KSR1: variants seen among roughly 807,000 people sequenced by gnomAD.
The protein encoded by KSR1 is kinase suppressor of ras.
In KSR1, 35 loss-of-function variants were observed where a neutral mutation model predicts 92.9. The observed-to-expected ratio is 0.38, with a 90% confidence interval of 0.29 to 0.50. The LOEUF is 0.50. Among genes scored for constraint, KSR1 ranks in the 20% least tolerant of loss-of-function variants. The pLI, the probability that KSR1 is intolerant of heterozygous loss-of-function variation, is 0.94. For missense variants in KSR1, 972 were observed against 1,158.5 expected (o/e 0.84, Z 2.34); for synonymous variants, 467 against 472.6 (o/e 0.99, Z 0.15).
chr17:27,463,685 G>A (rs934706547), intron 1 of KSR1, among the ~76,000 whole-genome samples: 5 of 152,138 alleles, frequency 3.3e-5, no homozygotes, highest in Admixed American at 2.6e-4. Flanking sequence ...CCAAGATAGC[G>A]GAGGGAGGGG....
intron 1 of KSR1, among the ~76,000 whole-genome samples, chr17:27,517,164 T>C (rs958365001): frequency 6.6e-6 from 1 of 152,210 alleles, no homozygotes; most frequent in Non-Finnish European, 1.5e-5. Flanking sequence ...CTAGCACCTT[T>C]TAAAGGTCTG....
At chr17:27,587,466 G>C (rs1344585657) in intron 5 of KSR1, 1 of 152,216 alleles carries the variant, frequency 6.6e-6, no homozygotes, top group Non-Finnish European at 1.5e-5. Flanking sequence ...GGGACCTTCT[G>C]ACTCAGAGGA....
At chr17:27,560,314 G>T in intron 2 of KSR1, 1 of 388,560 alleles carries the variant, frequency 2.6e-6, no homozygotes, top group Non-Finnish European at 5.1e-6. Flanking sequence ...GTTGTTGAAA[G>T]GAAGTGGCAA....
At chr17:27,551,303 C>T (rs1380143490) in intron 2 of KSR1, among the ~76,000 whole-genome samples, 1 of 152,170 alleles carries the variant, frequency 6.6e-6, no homozygotes, top group Non-Finnish European at 1.5e-5. Context: ...CCAGCATACT[C>T]GGAGTGTGTA....
At chr17:27,561,150 G>C (rs145334320) in intron 2 of KSR1, among the ~76,000 whole-genome samples, 86 of 152,322 alleles carry the variant, frequency 5.6e-4, no homozygotes, top group African/African-American at 2.0e-3. Flanking sequence ...GAGATCTGAT[G>C]ATCCCCTGCA....
intron 6 of KSR1, among the ~76,000 whole-genome samples, chr17:27,590,241 G>A (rs1450690950): frequency 6.6e-6 from 1 of 152,172 alleles, no homozygotes; most frequent in Admixed American, 6.5e-5. Flanking sequence ...TCGTGTGAAT[G>A]GGATCATATC....
chr17:27,473,946 TAAAAA>T (rs1030472737), intron 1 of KSR1, among the ~76,000 whole-genome samples: 17 of 151,880 alleles, frequency 1.1e-4, no homozygotes, highest in African/African-American at 3.6e-4. Flanking sequence ...AGGAAGTAGT[TAAAAA>T]AAGAAAAAGA....
At chr17:27,484,053 G>A (rs2068592745) in intron 1 of KSR1, among the ~76,000 whole-genome samples, 1 of 152,170 alleles carries the variant, frequency 6.6e-6, no homozygotes, top group Non-Finnish European at 1.5e-5. Context: ...TGTATCTGCA[G>A]TGCCAGGTTT....
intron 1 of KSR1, among the ~76,000 whole-genome samples, chr17:27,469,382 G>C (rs2019861705): frequency 6.6e-6 from 1 of 152,156 alleles, no homozygotes; most frequent in Non-Finnish European, 1.5e-5. Context: ...TTCAGTCTCT[G>C]AGTTTGGCCT....
chr17:27,552,104 C>T (rs549449652), intron 2 of KSR1, among the ~76,000 whole-genome samples: 19 of 152,234 alleles, frequency 1.2e-4, no homozygotes, highest in African/African-American at 2.6e-4. Context: ...GTGTTGTCAC[C>T]GCCTCCAGGC....
At chr17:27,527,799 A>C (rs1433482883) in intron 1 of KSR1, among the ~76,000 whole-genome samples, 1 of 152,250 alleles carries the variant, frequency 6.6e-6, no homozygotes, top group Non-Finnish European at 1.5e-5. Flanking sequence ...TATCTTTAGA[A>C]GACACAAATT....
In KSR1 at chr17:27,609,055, G is replaced by A. The variant is rs187884147; in HGVS notation, c.2092-141G>A. ...AAGTGACTTTCCCTCTCTGAACCTC[G>A]ATTTCTTCTTCTGTAAAATGGGGAC... On this transcript the variant is annotated intron_variant, in intron 15 of 20. Transcript: ENST00000644974. The A allele has an allele frequency of 1.9e-4, 197 of 1,036,966 alleles. 1 individual carries two copies. Among genetic ancestry groups the A allele is most frequent in the East Asian group, 2.7e-5 (1 of 37,638 alleles). The allele number at this position is 1,036,966 out of a possible 1,614,324, so 64.2% of individuals were successfully genotyped here.
At chr17:27,576,210 T>C (rs1230555195) in intron 2 of KSR1, among the ~76,000 whole-genome samples, 2 of 152,212 alleles carry the variant, frequency 1.3e-5, no homozygotes, top group East Asian at 3.8e-4. Context: ...GAAGCCTACT[T>C]GGATAATTTC....
chr17:27,485,839 G>A (rs1161749138), intron 1 of KSR1, among the ~76,000 whole-genome samples: 1 of 152,142 alleles, frequency 6.6e-6, no homozygotes, highest in African/African-American at 2.4e-5. Context: ...CCAAAACCTT[G>A]ATTTCCTTTT....
chr17:27,551,373 G>T (rs2071390594), intron 2 of KSR1, among the ~76,000 whole-genome samples: 1 of 152,090 alleles, frequency 6.6e-6, no homozygotes, highest in African/African-American at 2.4e-5. Flanking sequence ...GTCCTACTTG[G>T]CAGGCATGGT....
Position 27,588,523 on chromosome 17 carries a change from C to T in KSR1, c.1034C>T (p.Ser345Leu), listed in dbSNP as rs1377720150. Residue 345 changes from serine (S) to leucine (L), a missense_variant, in exon 6 of 21, where the codon TCG (serine) becomes TTG (leucine). By Grantham distance (145) the Ser-to-Leu change is moderately radical. Around this residue, in one of 5 missense-constraint regions of KSR1, gnomAD observed 611 missense variants for 668.0 expected, o/e 0.91. Coordinates refer to ENST00000644974, the MANE Select transcript of KSR1 (RefSeq NM_001394583.1). ...ATGGTACGGAGGGATATCGGGCTGT[C>T]GGTGACGCACAGGTAGGCACAGCGG... The part of the protein sequence containing the change: ...PQMVRRDIGL[S>L]VTHRFSTKSW... 1.2e-5 allele frequency: 19 copies of T among 1,591,752 alleles called. No individual in the cohort carries two copies. Among genetic ancestry groups the T allele is most frequent in the East Asian group, 2.3e-5 (1 of 43,954 alleles).
At chr17:27,585,683 C>G in intron 5 of KSR1, 22 bp downstream of exon 5, 1 of 761,638 alleles carries the variant, frequency 1.3e-6, no homozygotes. Context: ...TCATTTCCAT[C>G]CCCTCTACCA....
At chr17:27,484,663 G>A (rs1286149971) in intron 1 of KSR1, among the ~76,000 whole-genome samples, 1 of 151,878 alleles carries the variant, frequency 6.6e-6, no homozygotes, top group Non-Finnish European at 1.5e-5. Flanking sequence ...AGGTCCCTGG[G>A]GAGCTTGAGG....
chr17:27,594,408 C>A (rs939411275), intron 9 of KSR1, among the ~76,000 whole-genome samples: 7 of 152,098 alleles, frequency 4.6e-5, no homozygotes, highest in Non-Finnish European at 8.8e-5. Flanking sequence ...GCACACCCCC[C>A]ATGCCTGTGG....
Sources: allele counts gnomAD v4.1 joint callset (sites outside exome capture counted in the v4.1 genomes callset), GRCh38; gene constraint gnomAD v4.1.1; regional missense constraint gnomAD v4.1.1; transcripts MANE v1.5; gene names NCBI Gene and HGNC (gene_info 2026-07-23, HGNC 2026-07-21).